Variants in LHFPL4 observed in about 807,000 individuals in gnomAD.
LHFPL4 encodes the protein LHFPL tetraspan subfamily member 4 protein.
LHFPL4 carries 6 observed loss-of-function variants against 20.0 expected under a neutral mutation model. The ratio of observed to expected loss-of-function variants is 0.30; its 90% CI spans 0.16 to 0.59. LHFPL4 has a LOEUF of 0.59. LHFPL4 is among the 20% of genes least tolerant of loss of function. LHFPL4 has a pLI of 0.88. For synonymous variants in LHFPL4, 129 were observed against 143.8 expected (o/e 0.90, Z 0.74); for missense variants, 215 against 331.2 (o/e 0.65, Z 2.72).
chr3:9,509,053 G>C (rs183040243), intron 2 of LHFPL4, among the ~76,000 whole-genome samples: 1 of 152,150 alleles, frequency 6.6e-6, no homozygotes, highest in Non-Finnish European at 1.5e-5. Flanking sequence ...CCTGCATCCC[G>C]GCGCTCCCAG....
At chr3:9,542,572 C>T (rs561689538) in intron 2 of LHFPL4, among the ~76,000 whole-genome samples, 13 of 151,982 alleles carry the variant, frequency 8.6e-5, no homozygotes, top group African/African-American at 2.9e-4. Context: ...TTTGGGAGAT[C>T]GAGGTGGAAG....
At chr3:9,518,069 G>C (rs1418103926) in intron 2 of LHFPL4, among the ~76,000 whole-genome samples, 1 of 151,988 alleles carries the variant, frequency 6.6e-6, no homozygotes, top group Non-Finnish European at 1.5e-5. Context: ...TTGGCAACTT[G>C]AGAAAATTTC....
intron 2 of LHFPL4, among the ~76,000 whole-genome samples, chr3:9,535,269 C>G (rs1017859880): frequency 6.6e-6 from 1 of 152,198 alleles, no homozygotes; most frequent in African/African-American, 2.4e-5. Context: ...ATAATAAGTA[C>G]TTTACACATG....
intron 2 of LHFPL4, among the ~76,000 whole-genome samples, chr3:9,538,310 TA>T (rs562426401): frequency 6.6e-6 from 1 of 152,220 alleles, no homozygotes; most frequent in African/African-American, 2.4e-5. Context: ...GTCCATCATC[TA>T]GGAATAAGAC....
intron 2 of LHFPL4, among the ~76,000 whole-genome samples, chr3:9,525,874 G>A (rs1417609436): frequency 6.6e-6 from 1 of 152,158 alleles, no homozygotes; most frequent in East Asian, 1.9e-4. Context: ...GGCACAGAAA[G>A]GTTAAATGAT....
intron 2 of LHFPL4, among the ~76,000 whole-genome samples, chr3:9,524,047 C>T (rs1252043615): frequency 1.4e-5 from 2 of 143,450 alleles, no homozygotes; most frequent in African/African-American, 5.1e-5. Flanking sequence ...GTTTTTGAGT[C>T]AGATGTAATT....
intron 2 of LHFPL4, among the ~76,000 whole-genome samples, chr3:9,526,496 G>A (rs187098219): frequency 2.1e-4 from 32 of 152,232 alleles, no homozygotes; most frequent in African/African-American, 7.2e-4. Flanking sequence ...ATTGTAGTCG[G>A]CTGTGGTCTA....
At position 9,530,218 on chromosome 3, in the gene LHFPL4, C is replaced by G. The variant is rs2046400719; in HGVS notation, c.406+22056G>C. Among the ~76,000 whole-genome samples the G allele has an allele frequency of 2.0e-5, 3 of 152,176 alleles. No homozygotes were observed. The South Asian group carries it at 6.2e-4, about 31-fold the overall frequency. The stretch of plus-strand genomic sequence containing the variant: ...CTTCTCCTCTCTAGCTATAAAAGAC[C>G]TAGATGGCATCTTCTTCCAACAGAA... On this transcript the variant is annotated intron_variant, in intron 2 of 3. Coordinates refer to ENST00000287585, the MANE Select transcript of LHFPL4 (RefSeq NM_198560.3).
intron 2 of LHFPL4, among the ~76,000 whole-genome samples, chr3:9,550,194 C>T (rs1574857735): frequency 1.3e-5 from 2 of 152,342 alleles, no homozygotes; most frequent in African/African-American, 4.8e-5. Context: ...AGTGGTCTGG[C>T]TTCTGGCCTG....
At chr3:9,508,376 A>T (rs1010959896) in intron 2 of LHFPL4, among the ~76,000 whole-genome samples, 2 of 152,158 alleles carry the variant, frequency 1.3e-5, no homozygotes, top group African/African-American at 4.8e-5. Flanking sequence ...CAAGTCAATT[A>T]TCCACTCCAG....
At chr3:9,541,070 A>G (rs985820740) in intron 2 of LHFPL4, among the ~76,000 whole-genome samples, 2 of 151,772 alleles carry the variant, frequency 1.3e-5, no homozygotes, top group East Asian at 3.9e-4. Context: ...CTCCCTGAGT[A>G]GCTGGGATTA....
At position 9,500,907 on chromosome 3, in the gene LHFPL4, G is replaced by T. The variant is rs2046166995; in HGVS notation, c.*1304C>A. The T allele has an allele frequency of 6.6e-6, 1 of 152,626 alleles. No homozygotes were observed. The highest frequency in any genetic ancestry group is 1.5e-5 in the Non-Finnish European group (1 of 68,290). The allele number at this position is 152,626 out of a possible 1,614,324, so 9.5% of individuals were successfully genotyped here. A position where few individuals can be genotyped will look rare whatever the true frequency, so the allele number is the denominator to read the frequency against. On this transcript the variant is annotated 3_prime_UTR_variant, in exon 4 of 4. Transcript: ENST00000287585. ...GGGAAGGGAGACGCCCCCACAGTGG[G>T]TGGAGGGGGGAGAAACTTCTCACCT...
At chr3:9,516,472 CT>C (rs886595955) in intron 2 of LHFPL4, among the ~76,000 whole-genome samples, 149 of 146,526 alleles carry the variant, frequency 1.0e-3, no homozygotes, top group Non-Finnish European at 1.3e-3. Flanking sequence ...ACCACACTGT[CT>C]TTTTTTTTTT....
intron 2 of LHFPL4, among the ~76,000 whole-genome samples, chr3:9,547,816 C>G (rs2542346): frequency 0.39 from 48,944 of 124,480 alleles, 8,174 homozygotes; most frequent in African/African-American, 0.5. Flanking sequence ...GTTTTGTTTT[C>G]TTTTATTGAG....
intron 2 of LHFPL4, among the ~76,000 whole-genome samples, chr3:9,532,094 C>T (rs769680168): frequency 3.4e-5 from 5 of 149,050 alleles, no homozygotes; most frequent in African/African-American, 5.0e-5. Flanking sequence ...GGCACAATCG[C>T]GGCTCACTGC....
chr3:9,512,140 C>T (rs1293836953), intron 2 of LHFPL4, among the ~76,000 whole-genome samples: 3 of 152,150 alleles, frequency 2.0e-5, no homozygotes, highest in Non-Finnish European at 4.4e-5. Flanking sequence ...CAAGTGTTAG[C>T]CAGGATGGTC....
intron 2 of LHFPL4, among the ~76,000 whole-genome samples, chr3:9,514,318 A>G (rs2046283571): frequency 6.6e-6 from 1 of 152,204 alleles, no homozygotes; most frequent in African/African-American, 2.4e-5. Context: ...TACTGTATAT[A>G]GTATAATCCC....
intron 2 of LHFPL4, among the ~76,000 whole-genome samples, chr3:9,547,133 C>T (rs769530706): frequency 2.0e-5 from 3 of 152,142 alleles, no homozygotes; most frequent in African/African-American, 7.2e-5. Context: ...GGACCACAGG[C>T]GAGTGCCACC....
intron 2 of LHFPL4, among the ~76,000 whole-genome samples, chr3:9,519,001 G>A (rs985303841): frequency 5.9e-5 from 9 of 151,498 alleles, no homozygotes; most frequent in South Asian, 2.1e-4. Context: ...TCAGTGGCAC[G>A]ATGTCAGCTC....
Sources: allele counts gnomAD v4.1 joint callset (sites outside exome capture counted in the v4.1 genomes callset), GRCh38; gene constraint gnomAD v4.1.1; transcripts MANE v1.5; gene names NCBI Gene and HGNC (gene_info 2026-07-23, HGNC 2026-07-21).